PKP2: variants seen among roughly 807,000 people sequenced by gnomAD.
PKP2 encodes plakophilin 2.
PKP2 carries 73 observed loss-of-function variants against 83.4 expected under a neutral mutation model. The observed-to-expected ratio is 0.88, with a 90% CI of 0.72 to 1.06. PKP2 has a LOEUF of 1.06. PKP2 is among the 50% of genes least tolerant of loss of function. The pLI, the probability that PKP2 is intolerant of heterozygous loss-of-function variation, is 0.00. For missense variants in PKP2, 966 were observed against 1,065.4 expected (o/e 0.91, Z 1.30); for synonymous variants, 409 against 430.4 (o/e 0.95, Z 0.62).
In PKP2 at chr12:32,849,558, G is replaced by A. The variant is rs60467930; in HGVS notation, c.1378+1208C>T. 9.8e-3 allele frequency among the ~76,000 whole-genome samples: 1,498 copies of A among 152,276 alleles called. 36 individuals carry two copies. Among genetic ancestry groups the A allele is most frequent in the African/African-American group, 0.033 (1,356 of 41,544 alleles). On this transcript the variant is annotated intron_variant, in intron 5 of 12. Coordinates refer to ENST00000340811, the MANE Select transcript of PKP2 (RefSeq NM_001005242.3). Reference sequence around the variant, plus strand: ...TGTACTGTGTGCAGGGAACACAAGCGGAGAGCTGATGGTGATGGCAGGGAG... The same window carrying A: ...TGTACTGTGTGCAGGGAACACAAGCAGAGAGCTGATGGTGATGGCAGGGAG...
At chr12:32,812,888 T>C (rs181689127) in intron 9 of PKP2, among the ~76,000 whole-genome samples, 1 of 152,350 alleles carries the variant, frequency 6.6e-6, no homozygotes, top group Admixed American at 6.5e-5. Flanking sequence ...ACTTATAAGT[T>C]TGGATGTATA....
At chr12:32,871,990 C>T (rs1956899785) in intron 3 of PKP2, among the ~76,000 whole-genome samples, 1 of 152,130 alleles carries the variant, frequency 6.6e-6, no homozygotes, top group Non-Finnish European at 1.5e-5. Context: ...CCTTCTCTCT[C>T]TCCCCACTCA....
At chr12:32,803,602 T>C (rs943646497) in intron 9 of PKP2, among the ~76,000 whole-genome samples, 1 of 152,230 alleles carries the variant, frequency 6.6e-6, no homozygotes, top group Admixed American at 6.5e-5. Context: ...TCTCTTCTTT[T>C]GGTAGAATTT....
chr12:32,850,635 T>C lies in PKP2; in HGVS notation c.1378+131A>G, dbSNP rs979262723. The C allele has an allele frequency of 4.6e-5, 35 of 758,336 alleles. No individual in the cohort carries two copies. In the African/African-American group the frequency reaches 6.0e-4, roughly 13 times the overall value. The allele number at this position is 758,336 out of a possible 1,614,324, so 47.0% of individuals were successfully genotyped here. A position where few individuals can be genotyped will look rare whatever the true frequency, so the allele number is the denominator to read the frequency against. ...TAAGCCAGCAGGTAACAATGTTCCTTTAAAGCCTTCTCTAGCATAACAATG... is the reference window on the plus strand; with the variant it reads ...TAAGCCAGCAGGTAACAATGTTCCTCTAAAGCCTTCTCTAGCATAACAATG... On this transcript the variant is annotated intron_variant, in intron 5 of 12. Coordinates refer to ENST00000340811, the MANE Select transcript of PKP2 (RefSeq NM_001005242.3).
chr12:32,827,163 G>A (rs1451125710), intron 6 of PKP2, among the ~76,000 whole-genome samples: 1 of 152,190 alleles, frequency 6.6e-6, no homozygotes, highest in Non-Finnish European at 1.5e-5. Flanking sequence ...TGTTTATTTC[G>A]GGTTAGAATG....
At chr12:32,801,036 A>C (rs1565574140) in intron 10 of PKP2, among the ~76,000 whole-genome samples, 1 of 152,258 alleles carries the variant, frequency 6.6e-6, no homozygotes. Flanking sequence ...CTGAATTAAG[A>C]GAAGTCCTTT....
chr12:32,824,481 A>C (rs1956414501), intron 6 of PKP2: 3 of 359,546 alleles, frequency 8.3e-6, no homozygotes, highest in South Asian at 7.3e-5. Flanking sequence ...TGCAACTAGA[A>C]CAAGAGCAAA....
chr12:32,887,958 T>A (rs1018035355), intron 1 of PKP2, among the ~76,000 whole-genome samples: 5 of 152,028 alleles, frequency 3.3e-5, no homozygotes, highest in Non-Finnish European at 7.4e-5. Context: ...GGTGGGCAGA[T>A]CACTTGAGTC....
intron 4 of PKP2, among the ~76,000 whole-genome samples, chr12:32,861,840 A>G (rs1171847204): frequency 6.6e-6 from 1 of 152,186 alleles, no homozygotes; most frequent in East Asian, 1.9e-4. Context: ...GGATGACAGG[A>G]GATTTCTTAT....
chr12:32,885,319 T>C (rs1267935849), intron 1 of PKP2, among the ~76,000 whole-genome samples: 1 of 152,206 alleles, frequency 6.6e-6, no homozygotes, highest in East Asian at 1.9e-4. Context: ...TGGTCACCAA[T>C]ACAAACATTG....
rs186237289 is a variant in PKP2 at position 32,813,905 on chromosome 12, A to G, written c.2013+7451T>C. Among the ~76,000 whole-genome samples, 4 of 152,310 alleles carry G rather than the reference A, an allele frequency of 2.6e-5. No individual in the cohort carries two copies. The East Asian group carries it at 7.7e-4, about 29-fold the overall frequency. ...CTCAAAGTGTCCATGACTCAAAGGA[A>G]TTTAATTACTATTTTCTAATGTTTG... On this transcript the variant is annotated intron_variant, in intron 9 of 12. Transcript: ENST00000340811.
At chr12:32,873,606 T>G (rs1223670190) in intron 3 of PKP2, among the ~76,000 whole-genome samples, 8 of 152,002 alleles carry the variant, frequency 5.3e-5, no homozygotes, top group African/African-American at 1.9e-4. Context: ...ACCAGCTCAT[T>G]GCAACCTCCG....
intron 1 of PKP2, among the ~76,000 whole-genome samples, chr12:32,886,501 GA>G (rs1435248997): frequency 6.6e-6 from 1 of 152,084 alleles, no homozygotes; most frequent in Non-Finnish European, 1.5e-5. Context: ...GTTGGTGAAG[GA>G]ATTTTTTTTG....
chr12:32,895,997 T>C (rs547419172), intron 1 of PKP2, among the ~76,000 whole-genome samples: 41 of 152,362 alleles, frequency 2.7e-4, no homozygotes, highest in African/African-American at 9.9e-4. Context: ...AGTACTTGCA[T>C]AAGACAGCAC....
chr12:32,851,809 A>T (rs1237491749), intron 4 of PKP2, among the ~76,000 whole-genome samples: 1 of 152,206 alleles, frequency 6.6e-6, no homozygotes, highest in African/African-American at 2.4e-5. Context: ...GGAGTATTTT[A>T]AAAGACTTAT....
rs530489401 is a variant in PKP2 at position 32,876,981 on chromosome 12, T to A, written c.1034+865A>T. On this transcript the variant is annotated intron_variant, in intron 3 of 12. Coordinates refer to ENST00000340811, the MANE Select transcript of PKP2 (RefSeq NM_001005242.3). ...ATCATTTTGAGAAGTAGTTTATTAA[T>A]GATGCTACCTGGTCAGTGAGCATGC... 7.9e-5 allele frequency among the ~76,000 whole-genome samples: 12 copies of A among 152,374 alleles called. No homozygotes were observed. In the East Asian group the frequency reaches 2.3e-3, roughly 29 times the overall value.
chr12:32,849,015 A>AC (rs978978820), intron 5 of PKP2, among the ~76,000 whole-genome samples: 6 of 151,770 alleles, frequency 4.0e-5, no homozygotes, highest in East Asian at 3.9e-4. Flanking sequence ...TAAAAAAAAA[A>AC]AAAAAAAAAC....
chr12:32,853,569 C>T (rs1480650071), intron 4 of PKP2, among the ~76,000 whole-genome samples: 4 of 148,922 alleles, frequency 2.7e-5, no homozygotes, highest in Non-Finnish European at 4.4e-5. Flanking sequence ...TGCAGTGACA[C>T]GATCTTGGCT....
intron 8 of PKP2, 75 bp downstream of exon 8, chr12:32,822,391 AC>A: frequency 8.2e-7 from 1 of 1,216,164 alleles, no homozygotes; most frequent in Non-Finnish European, 1.2e-6. Flanking sequence ...AAGTACTTAG[AC>A]ATACACATAT....
Sources: allele counts gnomAD v4.1 joint callset (sites outside exome capture counted in the v4.1 genomes callset), GRCh38; gene constraint gnomAD v4.1.1; transcripts MANE v1.5; gene names NCBI Gene and HGNC (gene_info 2026-07-23, HGNC 2026-07-21).